CERS6: variants seen among roughly 807,000 people sequenced by gnomAD.
CERS6 encodes ceramide synthase 6.
CERS6 carries 26 observed loss-of-function variants against 56.8 expected under a neutral mutation model. The observed-to-expected ratio is 0.46, with a 90% CI of 0.34 to 0.63. The LOEUF is 0.63. Ranked by LOEUF, CERS6 falls within the 30% of genes least tolerant of loss-of-function variation. CERS6 has a pLI of 0.01. For synonymous variants in CERS6, 164 were observed against 173.3 expected (o/e 0.95, Z 0.42); for missense variants, 415 against 467.5 (o/e 0.89, Z 1.04).
rs184018808 is a variant in CERS6, at chr2:168,492,272, C to T, written c.170+35654C>T. ...GCATTCCTATTCGTCCACATCCTCT[C>T]CAGCATCTGTCGTTTCCTGACTTTT... On this transcript the variant is annotated intron_variant, in intron 1 of 9. Transcript: ENST00000305747. Among the ~76,000 whole-genome samples the T allele has an allele frequency of 2.2e-3, 338 of 152,362 alleles. 3 individuals are homozygous for T. Among genetic ancestry groups the T allele is most frequent in the Non-Finnish European group, 3.5e-3 (239 of 68,034 alleles).
intron 3 of CERS6, among the ~76,000 whole-genome samples, chr2:168,609,475 A>G (rs1012384983): frequency 6.6e-6 from 1 of 152,198 alleles, no homozygotes; most frequent in Non-Finnish European, 1.5e-5. Flanking sequence ...TAAATGTTTC[A>G]TAATGTCAAG....
chr2:168,656,436 G>T (rs1467715584), intron 4 of CERS6, among the ~76,000 whole-genome samples: 3 of 152,112 alleles, frequency 2.0e-5, no homozygotes, highest in Non-Finnish European at 2.9e-5. Flanking sequence ...GGCGCGTCTG[G>T]AGTCTGTCCC....
rs1685973070 is a variant in CERS6 at position 168,673,424 on chromosome 2, G to C, written c.466-17610G>C. Among the ~76,000 whole-genome samples, 4 of 152,192 alleles carry C rather than the reference G, an allele frequency of 2.6e-5. No individual in the cohort carries two copies. The South Asian group carries it at 6.2e-4, about 24-fold the overall frequency. On this transcript the variant is annotated intron_variant, in intron 4 of 9. Transcript: ENST00000305747. ...GGGTTATTACCAAAAAAAAGGAAAA[G>C]GGAGGTCTCCCTATGATGTCAAGTT...
intron 8 of CERS6, among the ~76,000 whole-genome samples, chr2:168,761,662 G>A (rs1684584267): frequency 6.6e-6 from 1 of 152,040 alleles, no homozygotes; most frequent in African/African-American, 2.4e-5. Flanking sequence ...ATCAACAAAC[G>A]TGTCTAGCCA....
At chr2:168,758,121 C>T (rs10189316) in intron 8 of CERS6, among the ~76,000 whole-genome samples, 12,588 of 152,204 alleles carry the variant, frequency 0.083, 659 homozygotes, top group Non-Finnish European at 0.11. Context: ...ATGGACAAAA[C>T]GTGCTAGCAG....
intron 3 of CERS6, among the ~76,000 whole-genome samples, chr2:168,572,248 C>T (rs1216208988): frequency 6.6e-6 from 1 of 152,036 alleles, no homozygotes; most frequent in East Asian, 1.9e-4. Context: ...ATGTAGTGGG[C>T]ATTAATGCTG....
At chr2:168,527,574 C>T (rs570415215) in intron 1 of CERS6, among the ~76,000 whole-genome samples, 32 of 152,184 alleles carry the variant, frequency 2.1e-4, no homozygotes, top group Admixed American at 3.9e-4. Flanking sequence ...CAGGCAGTGG[C>T]GGGTGTGGTG....
At chr2:168,595,659 A>G (rs545815021) in intron 3 of CERS6, among the ~76,000 whole-genome samples, 3 of 152,336 alleles carry the variant, frequency 2.0e-5, no homozygotes, top group Non-Finnish European at 2.9e-5. Context: ...TTTTCATTAT[A>G]CATTCAGATG....
At position 168,622,538 on chromosome 2, in the gene CERS6, T is replaced by G. The variant is rs551929781; in HGVS notation, c.408-8447T>G. On this transcript the variant is annotated intron_variant, in intron 3 of 9. Transcript: ENST00000305747. ...AGCATTCCTTTGCAAATCATCAGAC[T>G]TTCCATAACTGCCTAATATATTTTT... Among the ~76,000 whole-genome samples the G allele has an allele frequency of 4.6e-4, 70 of 152,346 alleles. 1 individual carries two copies. The South Asian group carries it at 0.013, about 29-fold the overall frequency.
chr2:168,499,084 A>G (rs1417645893), intron 1 of CERS6, among the ~76,000 whole-genome samples: 1 of 151,874 alleles, frequency 6.6e-6, no homozygotes, highest in African/African-American at 2.4e-5. Context: ...GGCCAAACTT[A>G]TTTTCTCCTG....
At chr2:168,587,093 C>A (rs746800252) in intron 3 of CERS6, among the ~76,000 whole-genome samples, 1 of 152,150 alleles carries the variant, frequency 6.6e-6, no homozygotes, top group Non-Finnish European at 1.5e-5. Context: ...GCATGAGAGT[C>A]CCTTGAACCT....
At chr2:168,718,341 G>A (rs946500350) in intron 8 of CERS6, among the ~76,000 whole-genome samples, 2 of 152,182 alleles carry the variant, frequency 1.3e-5, no homozygotes, top group Non-Finnish European at 1.5e-5. Context: ...TGTACCAGGG[G>A]TTCACAGAGG....
chr2:168,542,446 A>G (rs1354834560), intron 1 of CERS6, among the ~76,000 whole-genome samples: 1 of 152,196 alleles, frequency 6.6e-6, no homozygotes, highest in Non-Finnish European at 1.5e-5. Flanking sequence ...TGTGAGATTT[A>G]ATTCTATACA....
chr2:168,718,728 A>G (rs1482873461), intron 8 of CERS6, among the ~76,000 whole-genome samples: 1 of 152,168 alleles, frequency 6.6e-6, no homozygotes, highest in Non-Finnish European at 1.5e-5. Flanking sequence ...TCCCCCAAAC[A>G]CCAATCTTCC....
In CERS6 at chr2:168,713,988, G is replaced by A. The variant is rs539684655; in HGVS notation, c.610-1013G>A. 7.9e-5 allele frequency among the ~76,000 whole-genome samples: 12 copies of A among 152,218 alleles called. No homozygotes were observed. In the East Asian group the frequency reaches 1.7e-3, roughly 22 times the overall value. ...CAAAATACTGTAGATTTGGAGTCCT[G>A]TAAACAACAGAAATTGATTTCTTAT... On this transcript the variant is annotated intron_variant, in intron 6 of 9. Coordinates refer to ENST00000305747, the MANE Select transcript of CERS6 (RefSeq NM_203463.3).
At chr2:168,494,447 G>A (rs1694428011) in intron 1 of CERS6, among the ~76,000 whole-genome samples, 1 of 152,028 alleles carries the variant, frequency 6.6e-6, no homozygotes, top group African/African-American at 2.4e-5. Flanking sequence ...TATCTCTTTG[G>A]GTTATGATGA....
At chr2:168,540,135 A>G (rs1454545786) in intron 1 of CERS6, among the ~76,000 whole-genome samples, 1 of 150,912 alleles carries the variant, frequency 6.6e-6, no homozygotes, top group Admixed American at 6.6e-5. Flanking sequence ...TTTGCTGAAC[A>G]TAGAATTTTT....
intron 5 of CERS6, among the ~76,000 whole-genome samples, 191 bp downstream of exon 5, chr2:168,691,275 A>G (rs554512179): frequency 6.6e-6 from 1 of 152,306 alleles, no homozygotes; most frequent in South Asian, 2.1e-4. Context: ...GTTCAGAATC[A>G]AGGCCCGATT....
intron 1 of CERS6, among the ~76,000 whole-genome samples, chr2:168,512,457 A>G (rs1016843412): frequency 6.6e-6 from 1 of 151,860 alleles, no homozygotes. Flanking sequence ...TTTGTTGTAT[A>G]TCCTGAGATT....
Sources: gnomAD v4.1 joint callset for allele counts (sites outside exome capture counted in the v4.1 genomes callset) on GRCh38, gnomAD v4.1.1 for gene constraint, MANE v1.5 for transcripts, NCBI Gene and HGNC (gene_info 2026-07-23, HGNC 2026-07-21) for gene names.